TTC21B: variants seen among roughly 807,000 people sequenced by gnomAD.
TTC21B encodes tetratricopeptide repeat domain 21B.
Under a neutral mutation model 175.1 loss-of-function variants are expected in TTC21B, and 127 were observed. The ratio of observed to expected loss-of-function variants is 0.73; its 90% CI spans 0.63 to 0.84. The LOEUF (loss-of-function observed/expected upper bound fraction) is 0.84, where lower values mean the gene tolerates loss of function less well. TTC21B is among the 40% of genes least tolerant of loss of function. The pLI is 0.00. For missense variants in TTC21B, 1,561 were observed against 1,558.3 expected (o/e 1.00, Z -0.03); for synonymous variants, 524 against 524.5 (o/e 1.00, Z 0.01).
intron 1 of TTC21B, among the ~76,000 whole-genome samples, chr2:165,952,507 G>C (rs182534343): frequency 1.2e-4 from 18 of 152,286 alleles, no homozygotes; most frequent in Non-Finnish European, 2.2e-4. Context: ...TGGAGACGAA[G>C]GTGGGGTGAA....
chr2:165,893,241 T>C (rs1242097178), intron 22 of TTC21B, among the ~76,000 whole-genome samples: 1 of 152,198 alleles, frequency 6.6e-6, no homozygotes, highest in Non-Finnish European at 1.5e-5. Flanking sequence ...TTACAAATGT[T>C]ATTAATAATA....
intron 6 of TTC21B, among the ~76,000 whole-genome samples, chr2:165,935,506 G>T (rs1687096378): frequency 6.6e-6 from 1 of 151,946 alleles, no homozygotes; most frequent in Non-Finnish European, 1.5e-5. Flanking sequence ...AAATGATTAG[G>T]GAAAGGAAGA....
chr2:165,924,842 C>A (rs1686568938), intron 11 of TTC21B, among the ~76,000 whole-genome samples, 164 bp from the exon 12 acceptor site: 1 of 152,120 alleles, frequency 6.6e-6, no homozygotes, highest in Non-Finnish European at 1.5e-5. Flanking sequence ...TTAACTAATA[C>A]TAATTTATTT....
chr2:165,919,213 C>T, intron 13 of TTC21B, 63 bp downstream of exon 13: 1 of 1,581,226 alleles, frequency 6.3e-7, no homozygotes, highest in Non-Finnish European at 8.7e-7. Flanking sequence ...ACACAAAATA[C>T]TTGAATATGT....
chr2:165,919,530 C>G (rs1427726126), intron 12 of TTC21B, 97 bp from the exon 13 acceptor site: 4 of 1,355,854 alleles, frequency 3.0e-6, no homozygotes, highest in African/African-American at 1.4e-5. Flanking sequence ...ACGGATAGCC[C>G]TAGTGTTTGT....
At chr2:165,909,154 A>G (rs1685846666) in intron 18 of TTC21B, among the ~76,000 whole-genome samples, 1 of 152,166 alleles carries the variant, frequency 6.6e-6, no homozygotes, top group Admixed American at 6.5e-5. Flanking sequence ...ATTATAAAAT[A>G]AAGGAGCCAG....
At chr2:165,941,512 A>T (rs200068223) in intron 5 of TTC21B, among the ~76,000 whole-genome samples, 1 of 22,150 alleles carries the variant, frequency 4.5e-5, no homozygotes, top group African/African-American at 1.3e-4. Context: ...TGTTTCCAGG[A>T]AATTTTCAAG....
At chr2:165,894,677 C>A (rs767563203) in intron 22 of TTC21B, among the ~76,000 whole-genome samples, 2 of 152,214 alleles carry the variant, frequency 1.3e-5, no homozygotes, top group Admixed American at 6.5e-5. Flanking sequence ...CAGGTTCAAG[C>A]GATTCTCCTG....
intron 12 of TTC21B, among the ~76,000 whole-genome samples, chr2:165,920,077 G>GT (rs1168540480): frequency 4.6e-5 from 7 of 152,160 alleles, no homozygotes; most frequent in African/African-American, 1.4e-4. Context: ...GATAGATGCG[G>GT]TAAGAAGAGG....
intron 24 of TTC21B, 105 bp downstream of exon 24, chr2:165,890,374 A>C: frequency 3.9e-6 from 4 of 1,030,708 alleles, no homozygotes; most frequent in Non-Finnish European, 5.8e-6. Context: ...TATTCATCTG[A>C]CCTTTCATTA....
Position 165,943,202 on chromosome 2 carries a change from C to A in TTC21B, c.552+17G>T, listed in dbSNP as rs1394118627. 2 of 1,612,810 alleles carry A rather than the reference C, an allele frequency of 1.2e-6. No individual in the cohort carries two copies. The highest frequency in any genetic ancestry group is 1.7e-6 in the Non-Finnish European group (2 of 1,179,120). ...TATATTTTGAAACATGATTTATTTA[C>A]CCTAACTCCAACTCACCTTACCCAG... On this transcript the variant is annotated intron_variant, in intron 5 of 28. Coordinates refer to ENST00000243344, the MANE Select transcript of TTC21B (RefSeq NM_024753.5).
chr2:165,937,991 T>C (rs1687222375), intron 6 of TTC21B, among the ~76,000 whole-genome samples: 1 of 152,042 alleles, frequency 6.6e-6, no homozygotes. Flanking sequence ...CAGCTTGTCG[T>C]ACCAAATAGC....
intron 18 of TTC21B, among the ~76,000 whole-genome samples, chr2:165,909,211 T>C (rs112868476): frequency 4.6e-5 from 7 of 152,224 alleles, no homozygotes; most frequent in African/African-American, 1.4e-4. Flanking sequence ...TTTTGGAAAC[T>C]ATATAGTAAA....
rs1251186282 is a variant in TTC21B at position 165,884,038 on chromosome 2, T to C, written c.3460-20A>G. On this transcript the variant is annotated intron_variant, in intron 25 of 28. Coordinates refer to ENST00000243344, the MANE Select transcript of TTC21B (RefSeq NM_024753.5). Reference sequence around the variant, plus strand: ...CTCCTTCTATAAGAAAACAAAATTTTAGACCATAAGATGCATAAACATAAA... The same window carrying C: ...CTCCTTCTATAAGAAAACAAAATTTCAGACCATAAGATGCATAAACATAAA... The C allele has an allele frequency of 6.2e-7, 1 of 1,604,864 alleles. No homozygotes were observed. Among genetic ancestry groups the C allele is most frequent in the African/African-American group, 1.3e-5 (1 of 74,748 alleles).
chr2:165,949,146 T>C (rs957621113), intron 3 of TTC21B: 6 of 486,252 alleles, frequency 1.2e-5, no homozygotes, highest in African/African-American at 7.8e-5. Context: ...TTCCCTTTTA[T>C]CTAAAAAAAT....
intron 22 of TTC21B, among the ~76,000 whole-genome samples, chr2:165,891,614 CA>C (rs1262487406): frequency 7.9e-5 from 12 of 151,068 alleles, no homozygotes; most frequent in Admixed American, 5.4e-4. Context: ...TTCATTCATT[CA>C]TTCCTTTGAT....
At chr2:165,925,936 A>C (rs922071761) in intron 11 of TTC21B, among the ~76,000 whole-genome samples, 2 of 152,196 alleles carry the variant, frequency 1.3e-5, no homozygotes, top group Admixed American at 6.5e-5. Context: ...GCTAAGAATG[A>C]GTTATTGAGA....
Position 165,888,368 on chromosome 2 carries a change from T to C in TTC21B, c.3370A>G (p.Ile1124Val), listed in dbSNP as rs1365542213. Residue 1124 changes from isoleucine to valine, a missense_variant, in exon 25 of 29, where the codon ATA becomes GTA. Physicochemically the swap from Ile to Val is conservative, Grantham distance 29 (BLOSUM62 3). Transcript: ENST00000243344. ...QTVQGHVQLR[I>V]MENYCLMATK... ...GCCATTAAGCAATAGTTTTCCATTA[T>C]GCGAAGCTGTACGTGACCCTGAACA... 4 of 1,613,966 alleles carry C rather than the reference T, an allele frequency of 2.5e-6. No homozygotes were observed. Among genetic ancestry groups the C allele is most frequent in the South Asian group, 2.2e-5 (2 of 91,088 alleles).
At chr2:165,941,923 ATGTTAT>A (rs779126878) in intron 5 of TTC21B, among the ~76,000 whole-genome samples, 1 of 152,164 alleles carries the variant, frequency 6.6e-6, no homozygotes, top group Non-Finnish European at 1.5e-5. Context: ...TCTCATTCAG[ATGTTAT>A]TGTATTTTCT....
Sources: gnomAD v4.1 joint callset for allele counts (sites outside exome capture counted in the v4.1 genomes callset) on GRCh38, gnomAD v4.1.1 for gene constraint, MANE v1.5 for transcripts, NCBI Gene and HGNC (gene_info 2026-07-23, HGNC 2026-07-21) for gene names.